Variants in HSD17B12 observed in about 807,000 individuals in gnomAD.
HSD17B12 encodes the protein hydroxysteroid 17-beta dehydrogenase 12, also known as very-long-chain 3-oxoacyl-CoA reductase.
HSD17B12 carries 32 observed loss-of-function variants against 39.3 expected under a neutral mutation model. The observed-to-expected ratio is 0.81, with a 90% confidence interval of 0.61 to 1.09. The LOEUF (loss-of-function observed/expected upper bound fraction) is 1.09. Among genes scored for constraint, HSD17B12 ranks in the 50% least tolerant of loss-of-function variants. HSD17B12 has a pLI of 0.00. For synonymous variants in HSD17B12, 150 were observed against 146.7 expected, an observed-to-expected ratio of 1.02 and a Z score of -0.16; for missense variants, 342 against 382.9, an observed-to-expected ratio of 0.89 and a Z score of 0.89.
At chr11:43,700,092 A>G (rs1949950026) in intron 1 of HSD17B12, among the ~76,000 whole-genome samples, 2 of 152,196 alleles carry the variant, frequency 1.3e-5, no homozygotes, top group Admixed American at 1.3e-4. Context: ...GGCCTTAGTC[A>G]CTGGATGAAG....
At position 43,838,388 on chromosome 11, in the gene HSD17B12, C is replaced by G; in HGVS notation, c.608C>G (p.Ser203Cys). 6.2e-7 allele frequency: 1 copy of G among 1,610,398 alleles called. No homozygotes were observed. ...MLPVPLLTIY[S>C]ATKTFVDFFS... ...CCTGTCCCACTCTTGACCATCTATT[C>G]TGCAACCAAGGTAAAAAATATTTTC... The change falls in exon 8 of 11, where the codon TCT (serine) becomes TGT (cysteine). Residue 203 changes from serine to cysteine, a missense_variant. By Grantham distance (112) the Ser-to-Cys change is moderately radical. Coordinates refer to ENST00000278353, the MANE Select transcript of HSD17B12 (RefSeq NM_016142.3).
chr11:43,577,052 G>C, the HSD17B12 span, among the ~76,000 whole-genome samples: 1 of 152,232 alleles, frequency 6.6e-6, no homozygotes, highest in African/African-American at 2.4e-5. Context: ...GTTGGGTAAA[G>C]AGAGGGAAAA....
At chr11:43,745,035 C>T (rs1950401005) in intron 1 of HSD17B12, among the ~76,000 whole-genome samples, 1 of 152,186 alleles carries the variant, frequency 6.6e-6, no homozygotes, top group African/African-American at 2.4e-5. Context: ...GGTAACACTC[C>T]TGGCAAGAAA....
the HSD17B12 span, among the ~76,000 whole-genome samples, chr11:43,649,434 G>A: frequency 2.0e-5 from 3 of 152,196 alleles, no homozygotes; most frequent in South Asian, 4.1e-4. Context: ...TCTTCTACTT[G>A]AGGTAGAAGA....
chr11:43,633,172 G>A, the HSD17B12 span, among the ~76,000 whole-genome samples: 507 of 152,110 alleles, frequency 3.3e-3, 1 homozygote, highest in African/African-American at 0.012. Context: ...ATACAGTTTC[G>A]GTTCAGTGAA....
the HSD17B12 span, among the ~76,000 whole-genome samples, chr11:43,580,011 C>A: frequency 6.7e-6 from 1 of 149,714 alleles, no homozygotes; most frequent in African/African-American, 2.5e-5. Flanking sequence ...GACTATACTG[C>A]TAGGGAGGGA....
At chr11:43,762,102 A>G (rs1347817415) in intron 3 of HSD17B12, among the ~76,000 whole-genome samples, 1 of 152,194 alleles carries the variant, frequency 6.6e-6, no homozygotes, top group Non-Finnish European at 1.5e-5. Flanking sequence ...TAGGAAAAAC[A>G]TAGAATTCCA....
At chr11:43,578,638 G>A in the HSD17B12 span, among the ~76,000 whole-genome samples, 1 of 151,982 alleles carries the variant, frequency 6.6e-6, no homozygotes, top group African/African-American at 2.4e-5. Flanking sequence ...GCCCCTCTCA[G>A]CCCTGCAAGT....
chr11:43,603,522 G>A, the HSD17B12 span, among the ~76,000 whole-genome samples: 1 of 152,184 alleles, frequency 6.6e-6, no homozygotes, highest in South Asian at 2.1e-4. Context: ...AAGAACTGAT[G>A]CAGAAGGAGA....
the HSD17B12 span, among the ~76,000 whole-genome samples, chr11:43,572,391 A>G: frequency 1.3e-5 from 2 of 152,206 alleles, no homozygotes; most frequent in South Asian, 4.1e-4. Context: ...TGTCTGAGAA[A>G]GTCCCAGACA....
chr11:43,781,699 A>G (rs1950767488), intron 3 of HSD17B12, among the ~76,000 whole-genome samples: 1 of 152,160 alleles, frequency 6.6e-6, no homozygotes, highest in Non-Finnish European at 1.5e-5. Flanking sequence ...CAACAATTTT[A>G]GGGAGTTTAG....
intron 3 of HSD17B12, among the ~76,000 whole-genome samples, chr11:43,775,399 C>A (rs1292734108): frequency 1.3e-5 from 2 of 152,106 alleles, no homozygotes; most frequent in African/African-American, 2.4e-5. Context: ...GGTTTTGGAT[C>A]CAGGTGCCCA....
chr11:43,846,619 C>CATG (rs1301019125), intron 9 of HSD17B12, among the ~76,000 whole-genome samples: 1 of 152,166 alleles, frequency 6.6e-6, no homozygotes, highest in African/African-American at 2.4e-5. Flanking sequence ...GAGCTGAGAT[C>CATG]ACACCCCTGC....
chr11:43,672,612 A>C, the HSD17B12 span, among the ~76,000 whole-genome samples: 1 of 151,944 alleles, frequency 6.6e-6, no homozygotes, highest in Non-Finnish European at 1.5e-5. Flanking sequence ...CAGTGGTGCG[A>C]TCTTGGCTCA....
chr11:43,652,062 A>G, the HSD17B12 span, among the ~76,000 whole-genome samples: 1 of 152,212 alleles, frequency 6.6e-6, no homozygotes, highest in Non-Finnish European at 1.5e-5. Context: ...TCAACTCTTC[A>G]AATGGATCTA....
chr11:43,855,041 C>T (rs1951569527), intron 10 of HSD17B12, 103 bp from the exon 11 acceptor site: 1 of 1,080,558 alleles, frequency 9.3e-7, no homozygotes, highest in East Asian at 2.5e-5. Flanking sequence ...TAAAATCTAC[C>T]TATAAATAAA....
intron 6 of HSD17B12, among the ~76,000 whole-genome samples, chr11:43,823,089 G>A (rs1003323704): frequency 6.6e-5 from 10 of 151,422 alleles, no homozygotes; most frequent in African/African-American, 2.2e-4. Context: ...TTAAAGCAGG[G>A]GCTTATAATT....
chr11:43,564,812 GA>G, the HSD17B12 span, among the ~76,000 whole-genome samples: 1 of 152,026 alleles, frequency 6.6e-6, no homozygotes, highest in Non-Finnish European at 1.5e-5. Context: ...TTCCATTAAT[GA>G]AAACATTTGG....
intron 3 of HSD17B12, among the ~76,000 whole-genome samples, chr11:43,759,176 GA>G (rs1369270155): frequency 1.3e-5 from 2 of 152,200 alleles, no homozygotes; most frequent in South Asian, 2.1e-4. Flanking sequence ...CTTGACAAGT[GA>G]AAAAAATCAA....
Sources: gnomAD v4.1 joint callset for allele counts (sites outside exome capture counted in the v4.1 genomes callset) on GRCh38, gnomAD v4.1.1 for gene constraint, MANE v1.5 for transcripts, NCBI Gene and HGNC (gene_info 2026-07-23, HGNC 2026-07-21) for gene names.